FAM120B: variants seen among roughly 807,000 people sequenced by gnomAD.
FAM120B encodes the protein constitutive coactivator of peroxisome proliferator-activated receptor gamma.
In FAM120B, 83 loss-of-function variants were observed where a neutral mutation model predicts 96.3. That is an observed-to-expected ratio of 0.86 (90% CI 0.72 to 1.03). FAM120B has a LOEUF of 1.03. FAM120B is among the 50% of genes least tolerant of loss of function. The probability of loss-of-function intolerance (pLI) is 0.00; values close to 1 mark genes in which losing one functional copy is unlikely to be tolerated. For missense variants in FAM120B, 1,027 were observed against 1,121.2 expected (o/e 0.92, Z 1.20); for synonymous variants, 407 against 402.7 (o/e 1.01, Z -0.13).
intron 6 of FAM120B, among the ~76,000 whole-genome samples, chr6:170,378,521 G>T (rs534422324): frequency 6.6e-6 from 1 of 152,226 alleles, no homozygotes; most frequent in East Asian, 1.9e-4. Context: ...TACGTTGAGC[G>T]CCTATTCTAT....
chr6:170,298,748 C>A (rs907865331), intron 1 of FAM120B, among the ~76,000 whole-genome samples: 1 of 152,086 alleles, frequency 6.6e-6, no homozygotes, highest in Non-Finnish European at 1.5e-5. Flanking sequence ...CTGATTGAGG[C>A]AAGATGTGAG....
chr6:170,296,251 G>A lies in FAM120B; in HGVS notation c.48+798G>A, dbSNP rs574950877. ...TTGGGGGGTTAGAAGGAGGCCGCGT[G>A]TCCCAGGGAGGGGCTGTTTTCAGTG... On this transcript the variant is annotated intron_variant, in intron 1 of 10. Coordinates refer to the FAM120B transcript ENST00000537664. 1.0e-3 allele frequency among the ~76,000 whole-genome samples: 158 copies of A among 152,258 alleles called. 4 individuals are homozygous for A. In the East Asian group the frequency reaches 0.028, roughly 27 times the overall value.
intron 6 of FAM120B, among the ~76,000 whole-genome samples, chr6:170,374,554 C>G (rs1789397098): frequency 6.6e-6 from 1 of 152,200 alleles, no homozygotes; most frequent in Non-Finnish European, 1.5e-5. Context: ...CTTTCTTTCA[C>G]TGAAAAACTT....
chr6:170,395,967 G>T (rs1012687761), intron 9 of FAM120B, among the ~76,000 whole-genome samples: 1 of 152,138 alleles, frequency 6.6e-6, no homozygotes. Context: ...GATATTTTCC[G>T]TGACTTGGAT....
At chr6:170,378,412 C>G (rs898397717) in intron 6 of FAM120B, among the ~76,000 whole-genome samples, 1 of 152,204 alleles carries the variant, frequency 6.6e-6, no homozygotes, top group Non-Finnish European at 1.5e-5. Flanking sequence ...AACTCAGAGT[C>G]CTCTTCACCA....
chr6:170,358,443 G>A (rs1005253108), intron 6 of FAM120B, 125 bp downstream of exon 6: 9 of 699,700 alleles, frequency 1.3e-5, no homozygotes, highest in Admixed American at 5.1e-5. Flanking sequence ...GGATCTTTTC[G>A]TGATGCAGTA....
At chr6:170,330,848 C>T (rs1785978958) in intron 4 of FAM120B, 2 of 349,602 alleles carry the variant, frequency 5.7e-6, no homozygotes, top group Middle Eastern at 3.5e-4. Context: ...TGGCCGTGGT[C>T]AGCGCATGTT....
upstream of FAM120B, among the ~76,000 whole-genome samples, chr6:170,303,671 A>G (rs1023518908): frequency 6.6e-6 from 1 of 152,244 alleles, no homozygotes; most frequent in Non-Finnish European, 1.5e-5. Context: ...TCCTAGACAC[A>G]TGCACATTTA....
chr6:170,353,513 C>T (rs1031301794), intron 5 of FAM120B, among the ~76,000 whole-genome samples: 5 of 152,042 alleles, frequency 3.3e-5, no homozygotes, highest in Non-Finnish European at 7.4e-5. Context: ...AAAATACTGG[C>T]AAACCAAATC....
At chr6:170,348,869 G>A (rs1787391580) in intron 5 of FAM120B, among the ~76,000 whole-genome samples, 1 of 152,128 alleles carries the variant, frequency 6.6e-6, no homozygotes, top group South Asian at 2.1e-4. Context: ...GGCTGTTGGG[G>A]CGATTTCAGG....
At chr6:170,317,232 A>C in intron 1 of FAM120B, 138 bp from the exon 2 acceptor site, 1 of 661,474 alleles carries the variant, frequency 1.5e-6, no homozygotes, top group Non-Finnish European at 2.6e-6. Context: ...TAAGGCTCCT[A>C]ACCAGCATAT....
rs557109251 is a variant in FAM120B at position 170,324,073 on chromosome 6, G to A, written c.1915+814G>A. ...CCAGGATAAGAGAGAGAAGGAGTAG[G>A]ATACTGGTGCAGGTGGTCCATTTGC... On this transcript the variant is annotated intron_variant, in intron 3 of 10. Transcript: ENST00000476287. 2.0e-5 allele frequency among the ~76,000 whole-genome samples: 3 copies of A among 152,298 alleles called. No homozygotes were observed. In the East Asian group the frequency reaches 5.8e-4, roughly 29 times the overall value.
chr6:170,341,619 G>A (rs1293537629), intron 4 of FAM120B, among the ~76,000 whole-genome samples: 1 of 152,186 alleles, frequency 6.6e-6, no homozygotes, highest in Non-Finnish European at 1.5e-5. Flanking sequence ...CAGGGCCCTG[G>A]TGGTGTAGAC....
chr6:170,311,190 G>A (rs1784569378), intron 1 of FAM120B, among the ~76,000 whole-genome samples: 1 of 152,220 alleles, frequency 6.6e-6, no homozygotes, highest in Admixed American at 6.5e-5. Context: ...CATACGCAGA[G>A]CAGTGTTTCT....
chr6:170,360,579 T>A (rs1272855883), intron 6 of FAM120B, among the ~76,000 whole-genome samples: 3 of 152,190 alleles, frequency 2.0e-5, no homozygotes, highest in Non-Finnish European at 4.4e-5. Context: ...CCCTCAGCCA[T>A]CCACTCAGCA....
chr6:170,301,762 G>T (rs1323261914), upstream of FAM120B, among the ~76,000 whole-genome samples: 9 of 152,316 alleles, frequency 5.9e-5, no homozygotes, highest in East Asian at 7.7e-4. Context: ...CTTTACTCCA[G>T]TTCCCAACAA....
Position 170,389,160 on chromosome 6 carries a change from G to A in FAM120B, c.2490+667G>A, listed in dbSNP as rs532908382. Among the ~76,000 whole-genome samples, 195 of 152,266 alleles carry A rather than the reference G, an allele frequency of 1.3e-3. 1 individual carries two copies. Among genetic ancestry groups the A allele is most frequent in the African/African-American group, 4.5e-3 (186 of 41,554 alleles). ...TGCAGTTCAAACCCATGTTGTTCAAGGGTCAGCTGTACATACATAATGAGA... is the reference window on the plus strand; with the variant it reads ...TGCAGTTCAAACCCATGTTGTTCAAAGGTCAGCTGTACATACATAATGAGA... On this transcript the variant is annotated intron_variant, in intron 7 of 10. Coordinates refer to ENST00000476287, the MANE Select transcript of FAM120B (RefSeq NM_032448.3).
chr6:170,318,172 G>A lies in FAM120B; in HGVS notation c.782G>A (p.Gly261Asp), dbSNP rs1328827160. 1 of 1,614,080 alleles carries A rather than the reference G, an allele frequency of 6.2e-7. No individual in the cohort carries two copies. Among genetic ancestry groups the A allele is most frequent in the South Asian group, 1.1e-5 (1 of 91,084 alleles). ...TSVKENFDKK[G>D]NIILAVSDHI... is the part of the protein sequence containing the mutation. ...GTAAAAGAGAACTTTGACAAAAAAG[G>A]TAACATCATATTAGCTGTGTCAGAC... The change falls in exon 2 of 11, where the codon GGT becomes GAT. Residue 261 changes from glycine (G) to aspartate (D), a missense_variant. Coordinates refer to ENST00000476287, the MANE Select transcript of FAM120B (RefSeq NM_032448.3).
At chr6:170,361,210 A>ATATATATACGTG (rs1788375037) in intron 6 of FAM120B, among the ~76,000 whole-genome samples, 1 of 96,566 alleles carries the variant, frequency 1.0e-5, no homozygotes, top group African/African-American at 4.1e-5. Flanking sequence ...ATATATATAT[A>ATATATATACGTG]TATATATATA....
Sources: allele counts gnomAD v4.1 joint callset (sites outside exome capture counted in the v4.1 genomes callset), GRCh38; gene constraint gnomAD v4.1.1; transcripts MANE v1.5; gene names NCBI Gene and HGNC (gene_info 2026-07-23, HGNC 2026-07-21).